NR2F1-AS1: variants seen among roughly 807,000 people sequenced by gnomAD.
NR2F1-AS1 encodes the protein NR2F1 regulatory antisense RNA 1, also known as NR2F1 antisense RNA 1.
At chr5:93,502,287 T>C (rs1226721203) in intron 4 of NR2F1-AS1, among the ~76,000 whole-genome samples, 3 of 152,142 alleles carry the variant, frequency 2.0e-5, no homozygotes, top group Non-Finnish European at 2.9e-5. Flanking sequence ...ACACATTTGA[T>C]CTACTTGCAA....
At chr5:93,447,532 A>T (rs1445890926) in intron 4 of NR2F1-AS1, among the ~76,000 whole-genome samples, 1 of 152,122 alleles carries the variant, frequency 6.6e-6, no homozygotes, top group Non-Finnish European at 1.5e-5. Flanking sequence ...TTAGAATGGC[A>T]ATCATTAAAA....
At chr5:93,576,322 G>A (rs1752893639) in intron 1 of NR2F1-AS1, among the ~76,000 whole-genome samples, 1 of 152,060 alleles carries the variant, frequency 6.6e-6, no homozygotes, top group Non-Finnish European at 1.5e-5. Context: ...AGATGGGCTA[G>A]GTTTATTTTC....
intron 4 of NR2F1-AS1, among the ~76,000 whole-genome samples, chr5:93,450,856 A>T (rs1420278115): frequency 7.1e-6 from 1 of 141,382 alleles, no homozygotes; most frequent in Non-Finnish European, 1.5e-5. Flanking sequence ...TTTCAGGGGC[A>T]GTGAGCTATG....
intron 4 of NR2F1-AS1, among the ~76,000 whole-genome samples, chr5:93,459,272 T>C (rs1750037362): frequency 6.6e-6 from 1 of 152,112 alleles, no homozygotes; most frequent in Admixed American, 6.5e-5. Context: ...ATCTGAAATA[T>C]TCAGATATTT....
At chr5:93,469,956 A>G (rs369803245) in intron 4 of NR2F1-AS1, among the ~76,000 whole-genome samples, 2 of 152,208 alleles carry the variant, frequency 1.3e-5, no homozygotes, top group South Asian at 2.1e-4. Context: ...TTAGTACAAC[A>G]TATTTATCAA....
At chr5:93,494,126 A>G (rs908945066) in intron 4 of NR2F1-AS1, among the ~76,000 whole-genome samples, 1 of 152,214 alleles carries the variant, frequency 6.6e-6, no homozygotes, top group African/African-American at 2.4e-5. Flanking sequence ...TATGCAGAAT[A>G]CATAAAGAAC....
chr5:93,548,514 T>C (rs1752142661), intron 4 of NR2F1-AS1, among the ~76,000 whole-genome samples: 1 of 152,214 alleles, frequency 6.6e-6, no homozygotes, highest in South Asian at 2.1e-4. Context: ...GTTCAGTTTA[T>C]GGTTTTCTCA....
chr5:93,514,920 A>G (rs1377227900), intron 4 of NR2F1-AS1, among the ~76,000 whole-genome samples: 1 of 152,056 alleles, frequency 6.6e-6, no homozygotes, highest in Non-Finnish European at 1.5e-5. Flanking sequence ...CAAAATTTAA[A>G]GTGAAGTTAA....
At chr5:93,530,904 A>T (rs1369701254) in intron 4 of NR2F1-AS1, among the ~76,000 whole-genome samples, 1 of 149,290 alleles carries the variant, frequency 6.7e-6, no homozygotes, top group Non-Finnish European at 1.5e-5. Context: ...ATTTTTTTTG[A>T]AAAAAAATAA....
intron 4 of NR2F1-AS1, among the ~76,000 whole-genome samples, chr5:93,503,128 A>T (rs1751118265): frequency 6.6e-6 from 1 of 152,236 alleles, no homozygotes; most frequent in Non-Finnish European, 1.5e-5. Context: ...CAAGAATGTT[A>T]AAAACTATTC....
chr5:93,482,719 A>G (rs1247507624), intron 4 of NR2F1-AS1, among the ~76,000 whole-genome samples: 1 of 152,144 alleles, frequency 6.6e-6, no homozygotes, highest in Non-Finnish European at 1.5e-5. Flanking sequence ...TTCTCACTGC[A>G]AGCACAGCAG....
chr5:93,444,546 AAAGT>A (rs1486422488), intron 4 of NR2F1-AS1, among the ~76,000 whole-genome samples: 1 of 152,222 alleles, frequency 6.6e-6, no homozygotes, highest in African/African-American at 2.4e-5. Flanking sequence ...CCAGATTCAT[AAAGT>A]AAGTCCTTAG....
In NR2F1-AS1 at chr5:93,484,162, G is replaced by T. The variant is rs182547329; in HGVS notation, n.638+69599C>A. On this transcript the variant is annotated intron_variant and non_coding_transcript_variant, in intron 4 of 5. Coordinates refer to ENST00000660523, the Ensembl canonical transcript of NR2F1-AS1. ...GACACATAATTGTCAGATTCACCAA[G>T]GTTGAAATGAAGGAAACAATGTTAA... Among the ~76,000 whole-genome samples the T allele has an allele frequency of 2.4e-3, 366 of 152,232 alleles. 2 individuals are homozygous for T. Among genetic ancestry groups the T allele is most frequent in the African/African-American group, 8.3e-3 (346 of 41,530 alleles).
chr5:93,581,762 TCTCTCCCTCTCC>T (rs1216146534), upstream of NR2F1-AS1, among the ~76,000 whole-genome samples: 244 of 3,410 alleles, frequency 0.072, 36 homozygotes, highest in Admixed American at 0.16. Context: ...CTCCCTCTCC[TCTCTCCCTCTCC>T]CTCTCCCTCT....
chr5:93,424,453 C>T (rs185494975), intron 4 of NR2F1-AS1, among the ~76,000 whole-genome samples: 2 of 151,968 alleles, frequency 1.3e-5, no homozygotes, highest in East Asian at 3.9e-4. Context: ...TCTTCTCCTT[C>T]ACACTTCCCA....
At chr5:93,441,234 T>C (rs947780245) in intron 4 of NR2F1-AS1, among the ~76,000 whole-genome samples, 19 of 152,242 alleles carry the variant, frequency 1.2e-4, no homozygotes, top group African/African-American at 4.6e-4. Flanking sequence ...GTTCATTAAC[T>C]TTTTAGCATC....
At chr5:93,423,673 C>T (rs1424179167) in intron 4 of NR2F1-AS1, among the ~76,000 whole-genome samples, 1 of 152,192 alleles carries the variant, frequency 6.6e-6, no homozygotes, top group Non-Finnish European at 1.5e-5. Flanking sequence ...TTAACACCGA[C>T]GGCTTATGGA....
chr5:93,460,781 A>G (rs1014212081), intron 4 of NR2F1-AS1, among the ~76,000 whole-genome samples: 2 of 152,254 alleles, frequency 1.3e-5, no homozygotes, highest in African/African-American at 4.8e-5. Flanking sequence ...AACCACAGTG[A>G]GGTACCATCT....
chr5:93,507,956 A>T (rs1751221002), intron 4 of NR2F1-AS1, among the ~76,000 whole-genome samples: 1 of 152,182 alleles, frequency 6.6e-6, no homozygotes, highest in Admixed American at 6.5e-5. Flanking sequence ...TAAAACTTTA[A>T]CATCAGGCAT....
Sources: allele counts gnomAD v4.1 joint callset (sites outside exome capture counted in the v4.1 genomes callset), GRCh38; gene constraint gnomAD v4.1.1; transcripts MANE v1.5; gene names NCBI Gene and HGNC (gene_info 2026-07-23, HGNC 2026-07-21).